TMEM98: variants seen among roughly 807,000 people sequenced by gnomAD.
TMEM98 encodes the protein transmembrane protein 98.
A neutral mutation model predicts 25.0 loss-of-function variants in TMEM98; 18 were observed. The ratio of observed to expected loss-of-function variants is 0.72; its 90% CI spans 0.50 to 1.07. The LOEUF is 1.07. Among genes scored for constraint, TMEM98 ranks in the 50% least tolerant of loss-of-function variants. The probability of loss-of-function intolerance (pLI) is 0.00; values close to 1 mark genes in which losing one functional copy is unlikely to be tolerated. For synonymous variants in TMEM98, 103 were observed against 112.4 expected (o/e 0.92, Z 0.53); for missense variants, 241 against 289.0 (o/e 0.83, Z 1.20).
At chr17:32,936,527 G>A in intron 6 of TMEM98, 80 bp downstream of exon 6, 2 of 1,234,790 alleles carry the variant, frequency 1.6e-6, no homozygotes, top group Non-Finnish European at 2.3e-6. Flanking sequence ...CGCAGAGCTG[G>A]GCTCTTCTAT....
In TMEM98 at chr17:32,931,574, TTTCTGGC is replaced by T; in HGVS notation, c.50_56del (p.Leu17ArgfsTer44). On this transcript the variant is annotated frameshift_variant, in exon 3 of 8. Coordinates refer to ENST00000579849, the MANE Select transcript of TMEM98 (RefSeq NM_015544.3). LOFTEE classifies it high-confidence loss of function. The stretch of plus-strand genomic sequence containing the variant: ...TGCCATAGGTGTGCTGGCCACCATC[TTTCTGGC>T]TTCGTTTGCAGCCTTGGTGCTGGTT... 6.2e-7 allele frequency: 1 copy of T among 1,605,126 alleles called. No individual in the cohort carries two copies. The highest frequency in any genetic ancestry group is 8.5e-7 in the Non-Finnish European group (1 of 1,176,082).
At chr17:32,935,328 A>G (rs1023488209) in intron 5 of TMEM98, among the ~76,000 whole-genome samples, 3 of 152,192 alleles carry the variant, frequency 2.0e-5, no homozygotes, top group African/African-American at 7.2e-5. Flanking sequence ...AGAAGATAAT[A>G]CTATACTACA....
intron 6 of TMEM98, among the ~76,000 whole-genome samples, chr17:32,939,267 C>T (rs982608542): frequency 7.9e-5 from 12 of 152,024 alleles, no homozygotes; most frequent in African/African-American, 2.9e-4. Context: ...ATTAGCTGGG[C>T]ATGGTGGCGC....
At position 32,939,411 on chromosome 17, in the gene TMEM98, A is replaced by AG. The variant is rs1567698840; in HGVS notation, c.414-66_414-65insG. 3.2e-5 allele frequency: 40 copies of AG among 1,267,850 alleles called. No homozygotes were observed. In the African/African-American group the frequency reaches 1.1e-3, roughly 36 times the overall value. 78.5% of individuals were successfully genotyped at this position (1,267,850 alleles called of 1,614,324 possible). On this transcript the variant is annotated intron_variant, in intron 6 of 7. Coordinates refer to ENST00000579849, the MANE Select transcript of TMEM98 (RefSeq NM_015544.3). ...GACAGAGCGAGACTCTGTCTCAGGA[A>AG]AAAAAAAAAAAGGAGAAAAGGAGAT...
intron 1 of TMEM98, chr17:32,930,818 C>T (rs532674202): frequency 6.6e-6 from 1 of 152,324 alleles, no homozygotes; most frequent in Non-Finnish European, 1.5e-5. Context: ...TTTCATCTTT[C>T]CTCTCTTTAA....
At chr17:32,932,922 A>G (rs998090165) in intron 3 of TMEM98, among the ~76,000 whole-genome samples, 8 of 152,180 alleles carry the variant, frequency 5.3e-5, no homozygotes, top group Middle Eastern at 3.2e-3. Flanking sequence ...TTCTCTTGGT[A>G]GCTTATCTGA....
chr17:32,939,415 A>G (rs957653708), intron 6 of TMEM98, 62 bp from the exon 7 acceptor site: 1 of 1,472,660 alleles, frequency 6.8e-7, no homozygotes, highest in East Asian at 2.3e-5. Flanking sequence ...TCAGGAAAAA[A>G]AAAAAAAGGA....
chr17:32,929,031 A>C (rs1163848379), intron 1 of TMEM98, among the ~76,000 whole-genome samples: 1 of 151,144 alleles, frequency 6.6e-6, no homozygotes, highest in Non-Finnish European at 1.5e-5. Context: ...ACACACAAGC[A>C]CACTCGGAGA....
intron 1 of TMEM98, 28 bp downstream of exon 1, chr17:32,928,265 G>A (rs1679717096): frequency 6.7e-6 from 1 of 149,254 alleles, no homozygotes; most frequent in African/African-American, 2.5e-5. Flanking sequence ...GGCCGGGCGG[G>A]CCGCGGCGAG....
In TMEM98 at chr17:32,929,307, C is replaced by G. The variant is rs553331205; in HGVS notation, c.-131+1070C>G. 1.1e-4 allele frequency among the ~76,000 whole-genome samples: 16 copies of G among 152,034 alleles called. No individual in the cohort carries two copies. The South Asian group carries it at 2.1e-3, about 20-fold the overall frequency. On this transcript the variant is annotated intron_variant, in intron 1 of 7. Transcript: ENST00000579849. ...ACGGAGAAACACACTTAGAAGCACA[C>G]TCAGCTCACACACACCCAGAGAAAC...
At chr17:32,928,603 C>G (rs2091445976) in intron 1 of TMEM98, among the ~76,000 whole-genome samples, 1 of 151,992 alleles carries the variant, frequency 6.6e-6, no homozygotes, top group Admixed American at 6.6e-5. Context: ...AACAGGAAAA[C>G]TTACTCTTCA....
intron 1 of TMEM98, among the ~76,000 whole-genome samples, chr17:32,928,631 G>A (rs1426150033): frequency 1.3e-5 from 2 of 151,930 alleles, no homozygotes; most frequent in Admixed American, 1.3e-4. Context: ...GGGAAGAATA[G>A]AGAAAGAAAA....
In TMEM98 at chr17:32,943,869, G is replaced by A. The variant is rs1182304169; in HGVS notation, c.*2876G>A. ...GGCGTCACCTCAGTTACCATGGCTT[G>A]GTCCAAGCAGTGACTTCTGTTCATG... On this transcript the variant is annotated 3_prime_UTR_variant, in exon 8 of 8. Coordinates refer to ENST00000579849, the MANE Select transcript of TMEM98 (RefSeq NM_015544.3). 6.6e-6 allele frequency: 1 copy of A among 152,244 alleles called. No homozygotes were observed. Among genetic ancestry groups the A allele is most frequent in the Non-Finnish European group, 1.5e-5 (1 of 68,094 alleles). The allele number at this position is 152,244 out of a possible 1,614,324, so 9.4% of individuals were successfully genotyped here.
chr17:32,940,897 G>C lies in TMEM98; in HGVS notation c.585G>C (p.Glu195Asp), dbSNP rs1441072868. The C allele has an allele frequency of 6.2e-7, 1 of 1,614,202 alleles. No individual in the cohort carries two copies. The highest frequency in any genetic ancestry group is 8.5e-7 in the Non-Finnish European group (1 of 1,180,048). ...ACCAGTCTCTGTCGGCTGCTGAGGAGCATTTGGAAGTCCTTCGAGAAGCAG... is the reference window on the plus strand; with the variant it reads ...ACCAGTCTCTGTCGGCTGCTGAGGACCATTTGGAAGTCCTTCGAGAAGCAG... ...WIDQSLSAAE[E>D]HLEVLREAAL... The change falls in exon 8 of 8, where the codon GAG (glutamate) becomes GAC (aspartate). Residue 195 changes from glutamate to aspartate, a missense_variant. Glu to Asp is a conservative substitution (Grantham distance 45, BLOSUM62 2). Transcript: ENST00000579849.
At chr17:32,930,474 T>A (rs1238183376) in intron 1 of TMEM98, among the ~76,000 whole-genome samples, 1 of 152,238 alleles carries the variant, frequency 6.6e-6, no homozygotes, top group Non-Finnish European at 1.5e-5. Context: ...AAGAAATAGA[T>A]GTGAAACAGT....
intron 5 of TMEM98, among the ~76,000 whole-genome samples, chr17:32,936,068 G>A (rs1249461462): frequency 6.6e-6 from 1 of 152,140 alleles, no homozygotes; most frequent in African/African-American, 2.4e-5. Flanking sequence ...TTTTTCTTAA[G>A]ACAGATTATT....
chr17:32,943,728 T>A lies in TMEM98; in HGVS notation c.*2735T>A, dbSNP rs908832583. Reference sequence around the variant, plus strand: ...CAAGGCTATTGTCATTGGGTTGGTATGTCAACAAGCAAAACGGTATGTGTG... The same window carrying A: ...CAAGGCTATTGTCATTGGGTTGGTAAGTCAACAAGCAAAACGGTATGTGTG... On this transcript the variant is annotated 3_prime_UTR_variant, in exon 8 of 8. Coordinates refer to ENST00000579849, the MANE Select transcript of TMEM98 (RefSeq NM_015544.3). 6.6e-6 allele frequency: 1 copy of A among 152,220 alleles called. No individual in the cohort carries two copies. The highest frequency in any genetic ancestry group is 1.5e-5 in the Non-Finnish European group (1 of 68,060). The allele number at this position is 152,220 out of a possible 1,614,324, so 9.4% of individuals were successfully genotyped here.
Position 32,944,259 on chromosome 17 carries a change from A to T in TMEM98, c.*3266A>T, listed in dbSNP as rs1161324062. On this transcript the variant is annotated 3_prime_UTR_variant, in exon 8 of 8. Transcript: ENST00000579849. ...CTTGGAAATGTGGGGAAAGTGTCAG[A>T]TGAAGAATTTCTATCCTCCTCACCT... 6.6e-6 allele frequency: 1 copy of T among 152,258 alleles called. No homozygotes were observed. Among genetic ancestry groups the T allele is most frequent in the African/African-American group, 2.4e-5 (1 of 41,458 alleles). 9.4% of individuals were successfully genotyped at this position (152,258 alleles called of 1,614,324 possible).
At chr17:32,930,730 A>G in intron 1 of TMEM98, among the ~76,000 whole-genome samples, 1 of 151,870 alleles carries the variant, frequency 6.6e-6, no homozygotes, top group Non-Finnish European at 1.5e-5. Context: ...TGGGATTACT[A>G]ATATGTCCAC....
Sources: gnomAD v4.1 joint callset for allele counts (sites outside exome capture counted in the v4.1 genomes callset) on GRCh38, gnomAD v4.1.1 for gene constraint, MANE v1.5 for transcripts, NCBI Gene and HGNC (gene_info 2026-07-23, HGNC 2026-07-21) for gene names.